Variants in DOK6 observed in about 807,000 individuals in gnomAD.
The protein encoded by DOK6 is docking protein 6, also known as downstream of tyrosine kinase 6.
In DOK6, 22 loss-of-function variants were observed where a neutral mutation model predicts 44.0. That is an observed-to-expected ratio of 0.50 (90% CI 0.36 to 0.71). DOK6 has a LOEUF of 0.71. DOK6 is among the 30% of genes least tolerant of loss of function. The probability of loss-of-function intolerance (pLI) is 0.00; values close to 1 mark genes in which losing one functional copy is unlikely to be tolerated. For synonymous variants in DOK6, 166 were observed against 145.5 expected, an observed-to-expected ratio of 1.14 and a Z score of -1.01; for missense variants, 340 against 416.4, an observed-to-expected ratio of 0.82 and a Z score of 1.60.
At chr18:69,575,562 TA>T (rs534688517) in intron 2 of DOK6, among the ~76,000 whole-genome samples, 4 of 151,504 alleles carry the variant, frequency 2.6e-5, no homozygotes, top group African/African-American at 9.7e-5. Flanking sequence ...GAGCTACAAA[TA>T]AAAAAAAGTT....
chr18:69,487,905 C>A (rs1207732330), intron 1 of DOK6, among the ~76,000 whole-genome samples: 3 of 152,192 alleles, frequency 2.0e-5, no homozygotes, highest in Non-Finnish European at 4.4e-5. Context: ...AGTCTAGGTT[C>A]TCTGAGGGTC....
chr18:69,657,237 C>T (rs925513417), intron 3 of DOK6, among the ~76,000 whole-genome samples: 4 of 152,178 alleles, frequency 2.6e-5, no homozygotes, highest in African/African-American at 9.7e-5. Context: ...GTTCCTCATG[C>T]CTGCCTGCCT....
chr18:69,803,472 A>C (rs1188948508), intron 7 of DOK6, among the ~76,000 whole-genome samples: 1 of 152,220 alleles, frequency 6.6e-6, no homozygotes, highest in African/African-American at 2.4e-5. Context: ...ACCAAGCAGG[A>C]AATAAGATGA....
In DOK6 at chr18:69,564,494, G is replaced by A; in HGVS notation, c.74G>A (p.Arg25Lys). ...KIRSRKLGIFRRCWLVFKKAS... is the reference protein window; with the variant it reads ...KIRSRKLGIFKRCWLVFKKAS... ...TCCTTTATTTGCTTTCAGATTTTCA[G>A]ACGATGCTGGTTGGTTTTCAAGAAG... Residue 25 changes from arginine to lysine, a missense_variant, in exon 2 of 8, where the codon AGA becomes AAA. By Grantham distance (26) the Arg-to-Lys change is conservative. Coordinates refer to ENST00000382713, the MANE Select transcript of DOK6 (RefSeq NM_152721.6). 6.2e-7 allele frequency: 1 copy of A among 1,613,606 alleles called. No homozygotes were observed. The highest frequency in any genetic ancestry group is 1.1e-5 in the South Asian group (1 of 90,972).
At chr18:69,506,962 A>G (rs1442671672) in intron 1 of DOK6, among the ~76,000 whole-genome samples, 2 of 151,914 alleles carry the variant, frequency 1.3e-5, no homozygotes, top group East Asian at 1.9e-4. Flanking sequence ...ATTGTATTTC[A>G]TTGATCTATA....
chr18:69,653,895 A>G (rs1985295526), intron 3 of DOK6, among the ~76,000 whole-genome samples: 2 of 132,162 alleles, frequency 1.5e-5, no homozygotes, highest in African/African-American at 5.5e-5. Flanking sequence ...AATACCACCA[A>G]TCATTCCAGG....
At chr18:69,775,622 AAG>A (rs1462465267) in intron 7 of DOK6, among the ~76,000 whole-genome samples, 1 of 151,762 alleles carries the variant, frequency 6.6e-6, no homozygotes, top group Non-Finnish European at 1.5e-5. Flanking sequence ...AAAATATAGA[AAG>A]AAAAAAGAGT....
At chr18:69,515,865 G>A (rs772645126) in intron 1 of DOK6, among the ~76,000 whole-genome samples, 2 of 150,848 alleles carry the variant, frequency 1.3e-5, no homozygotes, top group African/African-American at 2.4e-5. Context: ...ACAATTGGAG[G>A]ATGTTTCAGC....
At chr18:69,686,907 T>TA (rs1347156704) in intron 4 of DOK6, among the ~76,000 whole-genome samples, 4 of 152,216 alleles carry the variant, frequency 2.6e-5, no homozygotes, top group East Asian at 3.9e-4. Flanking sequence ...TATAATCATT[T>TA]AAAAAAATAA....
intron 5 of DOK6, among the ~76,000 whole-genome samples, chr18:69,725,754 C>A (rs1438487760): frequency 6.6e-6 from 1 of 152,212 alleles, no homozygotes. Flanking sequence ...CCCAAAGTGC[C>A]GGGATTACAC....
chr18:69,625,601 G>A (rs1025627511), intron 3 of DOK6, among the ~76,000 whole-genome samples: 4 of 152,278 alleles, frequency 2.6e-5, no homozygotes, highest in African/African-American at 4.8e-5. Flanking sequence ...ATCAAGAAGC[G>A]TTCAAGTCTT....
intron 3 of DOK6, among the ~76,000 whole-genome samples, chr18:69,643,247 G>C (rs1745084214): frequency 6.6e-6 from 1 of 152,132 alleles, no homozygotes; most frequent in African/African-American, 2.4e-5. Context: ...TGACATTGAT[G>C]CAATCCACTG....
At chr18:69,444,895 A>C (rs549256434) in intron 1 of DOK6, among the ~76,000 whole-genome samples, 1 of 152,244 alleles carries the variant, frequency 6.6e-6, no homozygotes, top group East Asian at 1.9e-4. Context: ...TGGAAATTAC[A>C]TTGATTCTGT....
At chr18:69,464,429 A>G (rs1979872130) in intron 1 of DOK6, among the ~76,000 whole-genome samples, 2 of 152,218 alleles carry the variant, frequency 1.3e-5, no homozygotes, top group African/African-American at 2.4e-5. Flanking sequence ...TTGTATCTTC[A>G]GCTTCAGATA....
At chr18:69,478,271 C>T (rs1356706278) in intron 1 of DOK6, among the ~76,000 whole-genome samples, 1 of 152,058 alleles carries the variant, frequency 6.6e-6, no homozygotes, top group African/African-American at 2.4e-5. Context: ...TAGCATAGGG[C>T]ATTTGCCTGT....
Position 69,782,489 on chromosome 18 carries a change from G to A in DOK6, c.856+24616G>A, listed in dbSNP as rs551579088. Among the ~76,000 whole-genome samples, 13 of 152,190 alleles carry A rather than the reference G, an allele frequency of 8.5e-5. No homozygotes were observed. In the East Asian group the frequency reaches 2.3e-3, roughly 27 times the overall value. ...GCCTCCCAAAGTGCTGGGATTACAG[G>A]CGTGAGCCACCGCACTCGGCCGTGT... On this transcript the variant is annotated intron_variant, in intron 7 of 7. Coordinates refer to ENST00000382713, the MANE Select transcript of DOK6 (RefSeq NM_152721.6).
chr18:69,593,013 C>G (rs1054922793), intron 2 of DOK6, among the ~76,000 whole-genome samples: 2 of 152,026 alleles, frequency 1.3e-5, no homozygotes, highest in Non-Finnish European at 2.9e-5. Flanking sequence ...ATAGGATATT[C>G]AAATACATTA....
intron 1 of DOK6, among the ~76,000 whole-genome samples, chr18:69,514,629 A>G (rs1981464729): frequency 6.6e-6 from 1 of 152,086 alleles, no homozygotes; most frequent in Non-Finnish European, 1.5e-5. Flanking sequence ...TATATTGGGA[A>G]CAAAATCATG....
At chr18:69,614,961 G>T (rs1469745005) in intron 3 of DOK6, among the ~76,000 whole-genome samples, 2 of 151,832 alleles carry the variant, frequency 1.3e-5, no homozygotes, top group African/African-American at 2.4e-5. Context: ...ATAGAAGAAG[G>T]GTCCCTCATA....
Sources: allele counts gnomAD v4.1 joint callset (sites outside exome capture counted in the v4.1 genomes callset), GRCh38; gene constraint gnomAD v4.1.1; transcripts MANE v1.5; gene names NCBI Gene and HGNC (gene_info 2026-07-23, HGNC 2026-07-21).